The following NOD2 variants were observed in gnomAD, a reference collection of about 807,000 sequenced individuals.
The protein encoded by NOD2 is nucleotide binding oligomerization domain containing 2, also known as nucleotide-binding oligomerization domain-containing protein 2.
In NOD2, 86 loss-of-function variants were observed where a neutral mutation model predicts 90.9. That is an observed-to-expected ratio of 0.95 (90% CI 0.79 to 1.13). The LOEUF (loss-of-function observed/expected upper bound fraction) is 1.13, where lower values mean the gene tolerates loss of function less well. Among genes scored for constraint, NOD2 ranks in the 50% most tolerant of loss-of-function variants. The probability of loss-of-function intolerance (pLI) is 0.00; values close to 1 mark genes in which losing one functional copy is unlikely to be tolerated. For synonymous variants in NOD2, 581 were observed against 554.6 expected (o/e 1.05, Z -0.67); for missense variants, 1,238 against 1,283.8 (o/e 0.96, Z 0.55).
chr16:50,697,230 C>G (rs117611225), intron 1 of NOD2: 1 of 1,553,488 alleles, frequency 6.4e-7, no homozygotes, highest in Non-Finnish European at 8.7e-7. Flanking sequence ...GCTCCCCCAG[C>G]CTAATGGGCT....
chr16:50,722,869 TTTCTGGGTGAC>T (rs912697528), intron 8 of NOD2, among the ~76,000 whole-genome samples, 164 bp downstream of exon 8: 22 of 152,274 alleles, frequency 1.4e-4, no homozygotes, highest in African/African-American at 5.1e-4. Flanking sequence ...CACTCGAGTC[TTTCTGGGTGAC>T]TTGGAAATGT....
intron 9 of NOD2, among the ~76,000 whole-genome samples, chr16:50,724,109 C>T (rs961558136): frequency 6.6e-6 from 1 of 152,146 alleles, no homozygotes; most frequent in African/African-American, 2.4e-5. Flanking sequence ...TTAGATGCCA[C>T]TAGTATAGTT....
At chr16:50,696,915 G>T (rs938781725) in intron 1 of NOD2, among the ~76,000 whole-genome samples, 6 of 152,222 alleles carry the variant, frequency 3.9e-5, no homozygotes, top group Non-Finnish European at 5.9e-5. Flanking sequence ...AGGCCAGGCT[G>T]CCCTAGGCTT....
At position 50,718,395 on chromosome 16, in the gene NOD2, G is replaced by C. The variant is rs576278842; in HGVS notation, c.2549+1421G>C. Among the ~76,000 whole-genome samples, 595 of 152,342 alleles carry C rather than the reference G, an allele frequency of 3.9e-3. 1 individual carries two copies. The highest frequency in any genetic ancestry group is 7.3e-3 in the Non-Finnish European group (494 of 68,028). On this transcript the variant is annotated intron_variant, in intron 6 of 11. Coordinates refer to ENST00000647318, the MANE Select transcript of NOD2 (RefSeq NM_001370466.1). ...TGCGCTGGACGGGGGGCTGATTCAC[G>C]TCCTGGGTGGGATGGAGCTGGATGG...
At chr16:50,702,631 G>T (rs2150788412) in intron 2 of NOD2, among the ~76,000 whole-genome samples, 1 of 152,304 alleles carries the variant, frequency 6.6e-6, no homozygotes, top group Middle Eastern at 3.4e-3. Context: ...GCAAGTTAAA[G>T]AACTAAATTC....
chr16:50,726,911 C>T (rs951714418), intron 10 of NOD2, among the ~76,000 whole-genome samples: 19 of 152,168 alleles, frequency 1.2e-4, no homozygotes, highest in South Asian at 4.2e-4. Flanking sequence ...GAGGCTGAGG[C>T]GGGTGGATCA....
intron 10 of NOD2, chr16:50,728,868 C>T (rs1487551676): frequency 6.5e-6 from 1 of 152,852 alleles, no homozygotes; most frequent in African/African-American, 2.4e-5. Flanking sequence ...TCTGTGCCCT[C>T]AAAGACCCCC....
intron 2 of NOD2, 96 bp from the exon 3 acceptor site, chr16:50,707,759 A>G: frequency 1.1e-6 from 1 of 870,530 alleles, no homozygotes; most frequent in Non-Finnish European, 2.0e-6. Flanking sequence ...TTCTGGATGG[A>G]AGAGAGATGC....
In NOD2 at chr16:50,716,613, G is replaced by T. The variant is rs770915641; in HGVS notation, c.2408G>T (p.Arg803Leu). ...LYLRDNNISD[R>L]GICKLIECAL... The stretch of plus-strand genomic sequence containing the variant: ...TTGCGCGATAACAATATCTCAGACC[G>T]AGGCATCTGCAAGCTCATTGAATGT... The change falls in exon 5 of 12, where the codon CGA becomes CTA. Residue 803 changes from arginine to leucine, a missense_variant. This residue lies in a region of NOD2 where 667 missense variants were observed against 688.7 expected (regional missense o/e 0.97). Transcript: ENST00000647318. 7 of 1,614,106 alleles carry T rather than the reference G, an allele frequency of 4.3e-6. No homozygotes were observed. The highest frequency in any genetic ancestry group is 1.7e-5 in the Admixed American group (1 of 60,020).
rs1964515431 is a variant in NOD2 at position 50,711,668 on chromosome 16, T to A, written c.1676T>A (p.Val559Glu). The change falls in exon 4 of 12, where the codon GTG (valine) becomes GAG (glutamate). Residue 559 changes from valine to glutamate, a missense_variant. Transcript: ENST00000647318. ...SPDDISLGFL[V>E]RAKGVVPGST... ...GATGACATTTCTCTTGGCTTCCTGG[T>A]GCGTGCCAAAGGTGTCGTGCCAGGG... The A allele has an allele frequency of 6.2e-7, 1 of 1,613,530 alleles. No individual in the cohort carries two copies. The highest frequency in any genetic ancestry group is 8.5e-7 in the Non-Finnish European group (1 of 1,179,966).
chr16:50,729,724 G>C, intron 10 of NOD2, 94 bp from the exon 11 acceptor site: 1 of 1,038,788 alleles, frequency 9.6e-7, no homozygotes, highest in Non-Finnish European at 1.5e-6. Context: ...GTGGGCTTCA[G>C]TAGACTGGCT....
chr16:50,696,798 G>A (rs999146553), intron 1 of NOD2, among the ~76,000 whole-genome samples: 2 of 152,242 alleles, frequency 1.3e-5, no homozygotes, highest in Admixed American at 6.5e-5. Flanking sequence ...TGGTGATGTA[G>A]CTGCTGGGAG....
At position 50,717,303 on chromosome 16, in the gene NOD2, G is replaced by T. The variant is rs562370151; in HGVS notation, c.2549+329G>T. Among the ~76,000 whole-genome samples, 17 of 152,292 alleles carry T rather than the reference G, an allele frequency of 1.1e-4. No homozygotes were observed. The South Asian group carries it at 3.3e-3, about 30-fold the overall frequency. On this transcript the variant is annotated intron_variant, in intron 6 of 11. Transcript: ENST00000647318. ...CGATGCATGTTGAGCTCGTCCTGGT[G>T]GGGGAGGCATACACAGTTACTTGCC...
At chr16:50,729,502 A>G (rs899163652) in intron 10 of NOD2, among the ~76,000 whole-genome samples, 6 of 152,210 alleles carry the variant, frequency 3.9e-5, no homozygotes, top group African/African-American at 1.4e-4. Context: ...GCTCGAGATC[A>G]AAAAAGAAGT....
Position 50,732,093 on chromosome 16 carries a change from T to C in NOD2, c.*274T>C, listed in dbSNP as rs1965476952. On this transcript the variant is annotated 3_prime_UTR_variant, in exon 12 of 12. Transcript: ENST00000647318. ...ATGTACAAGGACAGCCCCTCCTCCATAGTATGGGACTGGCCTCTGCTGATC... is the reference window on the plus strand; with the variant it reads ...ATGTACAAGGACAGCCCCTCCTCCACAGTATGGGACTGGCCTCTGCTGATC... 4 of 473,954 alleles carry C rather than the reference T, an allele frequency of 8.4e-6. No homozygotes were observed. Among genetic ancestry groups the C allele is most frequent in the South Asian group, 4.0e-5 (2 of 50,150 alleles). The allele number at this position is 473,954 out of a possible 1,614,324, so 29.4% of individuals were successfully genotyped here. A position where few individuals can be genotyped will look rare whatever the true frequency, so the allele number is the denominator to read the frequency against.
intron 1 of NOD2, among the ~76,000 whole-genome samples, chr16:50,696,827 G>A (rs893177067): frequency 1.3e-5 from 2 of 152,240 alleles, no homozygotes; most frequent in African/African-American, 4.8e-5. Flanking sequence ...TCCGAGTCAC[G>A]TGGCTTGGGC....
In NOD2 at chr16:50,712,288, G is replaced by C; in HGVS notation, c.2296G>C (p.Val766Leu). 1 of 1,613,984 alleles carries C rather than the reference G, an allele frequency of 6.2e-7. No homozygotes were observed. Among genetic ancestry groups the C allele is most frequent in the Non-Finnish European group, 8.5e-7 (1 of 1,180,050 alleles). Residue 766 changes from valine (V) to leucine (L), a missense_variant, in exon 4 of 12, where the codon GTG becomes CTG. Val to Leu is a conservative substitution (Grantham distance 32). Around this residue, in one of 3 missense-constraint regions of NOD2, gnomAD observed 667 missense variants for 688.7 expected, o/e 0.97. Transcript: ENST00000647318. ...AFVLQHLRRP[V>L]ALQLDYNSVG... ...TGTGCTGCAGCACCTCCGGCGGCCC[G>C]TGGCCCTGCAGCTGGACTACAACTC...
At chr16:50,724,694 G>T (rs999106972) in intron 9 of NOD2, among the ~76,000 whole-genome samples, 1 of 152,228 alleles carries the variant, frequency 6.6e-6, no homozygotes, top group Non-Finnish European at 1.5e-5. Flanking sequence ...TTGTTAGGTT[G>T]CAGTTTGCTA....
intron 2 of NOD2, among the ~76,000 whole-genome samples, chr16:50,702,970 G>A (rs943647964): frequency 9.9e-5 from 15 of 152,206 alleles, no homozygotes; most frequent in African/African-American, 3.1e-4. Flanking sequence ...CCAGCTGTCC[G>A]TCTGACTCAT....
Sources: allele counts gnomAD v4.1 joint callset (sites outside exome capture counted in the v4.1 genomes callset), GRCh38; gene constraint gnomAD v4.1.1; regional missense constraint gnomAD v4.1.1; transcripts MANE v1.5; gene names NCBI Gene and HGNC (gene_info 2026-07-23, HGNC 2026-07-21).